The following ALDH16A1 variants were observed in gnomAD, a reference collection of about 807,000 sequenced individuals.
ALDH16A1 encodes aldehyde dehydrogenase family 16 member A1.
ALDH16A1 carries 88 observed loss-of-function variants against 96.1 expected under a neutral mutation model. The ratio of observed to expected loss-of-function variants is 0.92; its 90% CI spans 0.77 to 1.09. The LOEUF is 1.09. Among genes scored for constraint, ALDH16A1 ranks in the 50% least tolerant of loss-of-function variants. The probability of loss-of-function intolerance (pLI) is 0.00; values close to 1 mark genes in which losing one functional copy is unlikely to be tolerated. For synonymous variants in ALDH16A1, 522 were observed against 496.4 expected, an observed-to-expected ratio of 1.05 and a Z score of -0.69; for missense variants, 1,250 against 1,112.6, an observed-to-expected ratio of 1.12 and a Z score of -1.76.
rs377255662 is a variant in ALDH16A1 at position 49,465,772 on chromosome 19, C to T, written c.1603C>T (p.Arg535Cys). The change falls in exon 13 of 17, where the codon CGT becomes TGT. Residue 535 changes from arginine to cysteine, a missense_variant. Transcript: ENST00000293350. Reference sequence around the variant, plus strand: ...CCCCTATGGGCTCTTCGTTGGGGGCCGTTTCCAGGCTCCTGGGGCCCGAAG... The same window carrying T: ...CCCCTATGGGCTCTTCGTTGGGGGCTGTTTCCAGGCTCCTGGGGCCCGAAG... The part of the protein sequence containing the change: ...APPYGLFVGG[R>C]FQAPGARSSR... 1.5e-5 allele frequency: 24 copies of T among 1,614,052 alleles called. No individual in the cohort carries two copies. Among genetic ancestry groups the T allele is most frequent in the African/African-American group, 5.3e-5 (4 of 75,048 alleles).
intron 14 of ALDH16A1, 31 bp downstream of exon 14, chr19:49,466,314 G>A: frequency 7.0e-7 from 1 of 1,426,832 alleles, no homozygotes; most frequent in Non-Finnish European, 9.1e-7. Flanking sequence ...TGGGCCAGCT[G>A]GGCAGGCGGG....
chr19:49,464,976 T>C (rs571667193), intron 12 of ALDH16A1, among the ~76,000 whole-genome samples: 2 of 152,370 alleles, frequency 1.3e-5, no homozygotes, highest in African/African-American at 4.8e-5. Flanking sequence ...CAGAAACTCA[T>C]GGGTCTAGGA....
At position 49,459,230 on chromosome 19, in the gene ALDH16A1, G is replaced by A. The variant is rs1054891006; in HGVS notation, c.320+144G>A. On this transcript the variant is annotated intron_variant, in intron 3 of 16. Transcript: ENST00000293350. This position sits in a 1 kb window ranked among gnomAD's most constrained non-coding sequence, Gnocchi z 4.1. The stretch of plus-strand genomic sequence containing the variant: ...TTCCCAGTATGTGCTGGAGGCAGTC[G>A]TGGCTGAAACATGCATCCGTTGTCC... 2.9e-5 allele frequency: 38 copies of A among 1,328,954 alleles called. No homozygotes were observed. The highest frequency in any genetic ancestry group is 3.4e-5 in the Non-Finnish European group (34 of 992,542). 82.3% of individuals were successfully genotyped at this position (1,328,954 alleles called of 1,614,324 possible).
In ALDH16A1 at chr19:49,461,547, C is replaced by CT. The variant is rs535672120; in HGVS notation, c.578-72_578-71insT. ...TCTGAGGGAGGAGGGGCTGGGGGTC[C>CT]AGATTCCTGGGTCTGAGGGAGGAGG... On this transcript the variant is annotated intron_variant, in intron 5 of 16. Transcript: ENST00000293350. 1.1e-3 allele frequency: 134 copies of CT among 122,162 alleles called. 24 individuals are homozygous for CT. Among genetic ancestry groups the CT allele is most frequent in the African/African-American group, 3.6e-3 (6 of 1,662 alleles). The allele number at this position is 122,162 out of a possible 1,614,324, so 7.6% of individuals were successfully genotyped here. A position where few individuals can be genotyped will look rare whatever the true frequency, so the allele number is the denominator to read the frequency against.
Position 49,465,831 on chromosome 19 carries a change from CCATGG to C in ALDH16A1, c.1664_1668del (p.His555LeufsTer4), listed in dbSNP as rs1260886298. 1.2e-6 allele frequency: 2 copies of C among 1,614,166 alleles called. No homozygotes were observed. Among genetic ancestry groups the C allele is most frequent in the Admixed American group, 3.3e-5 (2 of 60,006 alleles). Reference sequence around the variant, plus strand: ...CCATCCGGGATTCGTCTGGCAACCTCCATGGCTACGTGGCTGAGGGTGGAGCCAAG... The same window carrying C: ...CCATCCGGGATTCGTCTGGCAACCTCCTACGTGGCTGAGGGTGGAGCCAAG... On this transcript the variant is annotated frameshift_variant, in exon 13 of 17. Transcript: ENST00000293350. LOFTEE classifies it high-confidence loss of function.
In ALDH16A1 at chr19:49,470,101, T is replaced by TA. The variant is rs1286713178; in HGVS notation, c.2248-203dup. The TA allele has an allele frequency of 1.3e-5, 8 of 601,742 alleles. No individual in the cohort carries two copies. In the Admixed American group the frequency reaches 2.3e-4, roughly 17 times the overall value. 37.3% of individuals were successfully genotyped at this position (601,742 alleles called of 1,614,324 possible). ...GCCCATTCCTTTCAACATGGGCTGTTAAGGGAGAGGAAATTCCCTAACCAC... is the reference window on the plus strand; with the variant it reads ...GCCCATTCCTTTCAACATGGGCTGTTAAAGGGAGAGGAAATTCCCTAACCAC... On this transcript the variant is annotated intron_variant, in intron 16 of 16. Transcript: ENST00000293350.
intron 16 of ALDH16A1, 170 bp downstream of exon 16, chr19:49,469,156 G>T: frequency 1.0e-6 from 1 of 975,564 alleles, no homozygotes; most frequent in Non-Finnish European, 1.5e-6. Flanking sequence ...TAAGGAAGAG[G>T]CTGTCCTTAG....
rs2079122594 is a variant in ALDH16A1, at chr19:49,459,078, C to T, written c.312C>T (p.His104=). 1.9e-6 allele frequency: 3 copies of T among 1,612,644 alleles called. No homozygotes were observed. Among genetic ancestry groups the T allele is most frequent in the East Asian group, 2.2e-5 (1 of 44,870 alleles). ...SAHPGVVRAQ[H]LTRLAEVIQK... The stretch of plus-strand genomic sequence containing the variant: ...ACCCCGGCGTCGTCCGGGCCCAGCA[C>T]CTGACCAGGTGATGCAGCTGAGGTG... The change falls in exon 3 of 17, where the codon CAC becomes CAT. Residue 104 remains histidine, a synonymous_variant. Transcript: ENST00000293350. This position sits in a 1 kb window ranked among gnomAD's most constrained non-coding sequence, Gnocchi z 4.1.
chr19:49,457,377 C>G (rs1188392996), intron 1 of ALDH16A1, among the ~76,000 whole-genome samples: 3 of 151,530 alleles, frequency 2.0e-5, no homozygotes, highest in Admixed American at 1.3e-4. Flanking sequence ...GAAACCCCAT[C>G]TCTACTAAAA....
rs764352381 is a variant in ALDH16A1 at position 49,453,322 on chromosome 19, G to A, written c.-10G>A. ...CCCGCAGTCTTCGCGGAAAGCGTTCGGGGTAGGCGATGGCTGCGACGCGTG... is the reference window on the plus strand; with the variant it reads ...CCCGCAGTCTTCGCGGAAAGCGTTCAGGGTAGGCGATGGCTGCGACGCGTG... On this transcript the variant is annotated 5_prime_UTR_variant, in exon 1 of 17. Transcript: ENST00000293350. 8.0e-5 allele frequency: 125 copies of A among 1,555,102 alleles called. No homozygotes were observed. The highest frequency in any genetic ancestry group is 1.0e-4 in the Non-Finnish European group (120 of 1,152,126).
In ALDH16A1 at chr19:49,468,929, C is replaced by G. The variant is rs751942726; in HGVS notation, c.2190C>G (p.Thr730=). 1 of 1,614,088 alleles carries G rather than the reference C, an allele frequency of 6.2e-7. No individual in the cohort carries two copies. Among genetic ancestry groups the G allele is most frequent in the Non-Finnish European group, 8.5e-7 (1 of 1,180,010 alleles). ...NVVTGDRDHL[T]RCLALHQDVQ... Reference sequence around the variant, plus strand: ...TGACAGGAGACCGGGACCATCTGACCCGCTGCCTGGCCTTGCACCAAGACG... The same window carrying G: ...TGACAGGAGACCGGGACCATCTGACGCGCTGCCTGGCCTTGCACCAAGACG... The change falls in exon 16 of 17, where the codon ACC becomes ACG. Residue 730 remains threonine, a synonymous_variant. Coordinates refer to ENST00000293350, the MANE Select transcript of ALDH16A1 (RefSeq NM_153329.4). This position sits in a 1 kb window ranked among gnomAD's most constrained non-coding sequence, Gnocchi z 4.4.
In ALDH16A1 at chr19:49,453,285, AAC is replaced by A. The variant is rs1446257275; in HGVS notation, c.-43_-42del. The A allele has an allele frequency of 2.0e-6, 3 of 1,505,638 alleles. No individual in the cohort carries two copies. In the South Asian group the frequency reaches 3.7e-5, roughly 18 times the overall value. 93.3% of individuals were successfully genotyped at this position (1,505,638 alleles called of 1,614,324 possible). On this transcript the variant is annotated 5_prime_UTR_variant, in exon 1 of 17. Transcript: ENST00000293350. Reference sequence around the variant, plus strand: ...CTCTTCGGACCTCAAGGTTCCCCTTAACACAGAGCGCCCCGCAGTCTTCGCGG... The same window carrying A: ...CTCTTCGGACCTCAAGGTTCCCCTTAACAGAGCGCCCCGCAGTCTTCGCGG...
chr19:49,454,514 C>A (rs10406949), intron 1 of ALDH16A1, among the ~76,000 whole-genome samples: 1 of 151,998 alleles, frequency 6.6e-6, no homozygotes, highest in Non-Finnish European at 1.5e-5. Context: ...CCCTCAGAGG[C>A]CCCCAGAACC....
chr19:49,456,952 A>G (rs1387133162), intron 1 of ALDH16A1, among the ~76,000 whole-genome samples: 1 of 152,002 alleles, frequency 6.6e-6, no homozygotes, highest in East Asian at 1.9e-4. Flanking sequence ...TACTAGAAAT[A>G]TATAAATTAG....
At position 49,464,654 on chromosome 19, in the gene ALDH16A1, C is replaced by T. The variant is rs1343127616; in HGVS notation, c.1460C>T (p.Pro487Leu). ...CAGGGGCTGTATGAGTATCTGCGGCCCTCAGGGACCCCTGCCCGGCTGTCC... is the reference window on the plus strand; with the variant it reads ...CAGGGGCTGTATGAGTATCTGCGGCTCTCAGGGACCCCTGCCCGGCTGTCC... ...GPDGLYEYLR[P>L]SGTPARLSCL... Residue 487 changes from proline (P) to leucine (L), a missense_variant, in exon 12 of 17, where the codon CCC becomes CTC. Physicochemically the swap from Pro to Leu is moderately conservative, Grantham distance 98. Transcript: ENST00000293350. 6.2e-7 allele frequency: 1 copy of T among 1,614,176 alleles called. No individual in the cohort carries two copies. Among genetic ancestry groups the T allele is most frequent in the Admixed American group, 1.7e-5 (1 of 60,024 alleles).
chr19:49,459,950 G>T lies in ALDH16A1; in HGVS notation c.499+102G>T, dbSNP rs568475476. 1.4e-6 allele frequency: 2 copies of T among 1,383,072 alleles called. No individual in the cohort carries two copies. The highest frequency in any genetic ancestry group is 9.6e-7 in the Non-Finnish European group (1 of 1,040,146). 85.7% of individuals were successfully genotyped at this position (1,383,072 alleles called of 1,614,324 possible). ...TTTTAGACAGAGTTTCGCTCTTGTC[G>T]CCCAGGCCGGAGTGCAGTGGCGCAA... On this transcript the variant is annotated intron_variant, in intron 4 of 16. Transcript: ENST00000293350. The surrounding 1 kb of genome is among the most constrained non-coding windows in gnomAD (Gnocchi z 4.1).
At chr19:49,457,323 G>A (rs1254935945) in intron 1 of ALDH16A1, among the ~76,000 whole-genome samples, 8 of 151,648 alleles carry the variant, frequency 5.3e-5, no homozygotes, top group African/African-American at 9.7e-5. Flanking sequence ...CGAGGCGGGC[G>A]GATCACGAGG....
At position 49,468,683 on chromosome 19, in the gene ALDH16A1, C is replaced by A; in HGVS notation, c.2124+117C>A. 7.2e-7 allele frequency: 1 copy of A among 1,396,012 alleles called. No individual in the cohort carries two copies. Among genetic ancestry groups the A allele is most frequent in the Non-Finnish European group, 9.7e-7 (1 of 1,029,936 alleles). The allele number at this position is 1,396,012 out of a possible 1,614,324, so 86.5% of individuals were successfully genotyped here. A position where few individuals can be genotyped will look rare whatever the true frequency, so the allele number is the denominator to read the frequency against. ...CCACCCTCCGTGGTACCCATGCTGC[C>A]CCCAGCCCCAGCACCCAAACCTTCA... is the stretch of plus-strand genomic sequence containing the variant. On this transcript the variant is annotated intron_variant, in intron 15 of 16. Coordinates refer to ENST00000293350, the MANE Select transcript of ALDH16A1 (RefSeq NM_153329.4). The surrounding 1 kb of genome is among the most constrained non-coding windows in gnomAD (Gnocchi z 4.4).
At position 49,468,906 on chromosome 19, in the gene ALDH16A1, A is replaced by G. The variant is rs2079222386; in HGVS notation, c.2167A>G (p.Thr723Ala). 1 of 1,613,982 alleles carries G rather than the reference A, an allele frequency of 6.2e-7. No homozygotes were observed. The highest frequency in any genetic ancestry group is 8.5e-7 in the Non-Finnish European group (1 of 1,180,012). Residue 723 changes from threonine to alanine, a missense_variant, in exon 16 of 17, where the codon ACA becomes GCA. Physicochemically the swap from Thr to Ala is moderately conservative, Grantham distance 58. Coordinates refer to ENST00000293350, the MANE Select transcript of ALDH16A1 (RefSeq NM_153329.4). The surrounding 1 kb of genome is among the most constrained non-coding windows in gnomAD (Gnocchi z 4.4). ...VFPAGLANVV[T>A]GDRDHLTRCL... is the part of the protein sequence containing the mutation. ...CCCAGCAGGCCTGGCCAACGTGGTG[A>G]CAGGAGACCGGGACCATCTGACCCG...
Sources: allele counts gnomAD v4.1 joint callset (sites outside exome capture counted in the v4.1 genomes callset), GRCh38; gene constraint gnomAD v4.1.1; non-coding constraint Gnocchi (gnomAD v3.1); transcripts MANE v1.5; gene names NCBI Gene and HGNC (gene_info 2026-07-23, HGNC 2026-07-21).